Variants in GPRIN3 observed in about 807,000 individuals in gnomAD.
GPRIN3 encodes the protein GPRIN family member 3.
A neutral mutation model predicts 13.7 loss-of-function variants in GPRIN3; 12 were observed. The ratio of observed to expected loss-of-function variants is 0.87; its 90% confidence interval spans 0.56 to 1.42. The LOEUF (loss-of-function observed/expected upper bound fraction) is 1.42. Ranked by LOEUF, GPRIN3 falls within the 40% of genes most tolerant of loss-of-function variation. GPRIN3 has a pLI of 0.00. For missense variants in GPRIN3, 1,009 were observed against 958.7 expected, an observed-to-expected ratio of 1.05 and a Z score of -0.69; for synonymous variants, 377 against 372.7, an observed-to-expected ratio of 1.01 and a Z score of -0.13.
rs1256291250 is a variant in GPRIN3 at position 89,241,371 on chromosome 4, T to C, written c.*6409A>G. 6.6e-6 allele frequency: 1 copy of C among 152,182 alleles called. No homozygotes were observed. The highest frequency in any genetic ancestry group is 1.9e-4 in the East Asian group (1 of 5,206). 9.4% of individuals were successfully genotyped at this position (152,182 alleles called of 1,614,324 possible). A position where few individuals can be genotyped will look rare whatever the true frequency, so the allele number is the denominator to read the frequency against. On this transcript the variant is annotated 3_prime_UTR_variant, in exon 2 of 2. Transcript: ENST00000609438. Reference sequence around the variant, plus strand: ...TTAAATGGGATACGACAAGTTATTTTTTTTACACATAAAAATAGAAAACTG... The same window carrying C: ...TTAAATGGGATACGACAAGTTATTTCTTTTACACATAAAAATAGAAAACTG...
chr4:89,295,987 A>G (rs1724720555), intron 1 of GPRIN3, among the ~76,000 whole-genome samples: 1 of 152,186 alleles, frequency 6.6e-6, no homozygotes, highest in South Asian at 2.1e-4. Context: ...ATTTTTAAAA[A>G]TATACTTTGA....
chr4:89,300,260 C>T (rs892775247), intron 1 of GPRIN3, among the ~76,000 whole-genome samples: 10 of 152,218 alleles, frequency 6.6e-5, no homozygotes, highest in African/African-American at 2.4e-4. Flanking sequence ...CCAGACTTTA[C>T]AGACTCAATA....
At chr4:89,262,716 T>TAGTCTCAGCTA (rs1723667941) in intron 1 of GPRIN3, among the ~76,000 whole-genome samples, 2 of 152,254 alleles carry the variant, frequency 1.3e-5, no homozygotes, top group African/African-American at 4.8e-5. Context: ...AAATGCTTTT[T>TAGTCTCAGCTA]AAAGTAATGT....
In GPRIN3 at chr4:89,249,961, G is replaced by T. The variant is rs1723277161; in HGVS notation, c.150C>A (p.Ala50=). ...LCKNANGFSG[A]PAEPDLSPRA... ...TGGGGCTGAGGTCTGGTTCTGCAGG[G>T]GCACCTGAAAAGCCATTGGCATTCT... Residue 50 remains alanine (A), a synonymous_variant, in exon 2 of 2, where the codon GCC becomes GCA. Transcript: ENST00000609438. 1.2e-6 allele frequency: 2 copies of T among 1,614,174 alleles called. No individual in the cohort carries two copies. The highest frequency in any genetic ancestry group is 1.7e-6 in the Non-Finnish European group (2 of 1,180,016).
intron 1 of GPRIN3, among the ~76,000 whole-genome samples, chr4:89,252,434 C>A (rs905534550): frequency 6.6e-6 from 1 of 152,118 alleles, no homozygotes; most frequent in African/African-American, 2.4e-5. Context: ...AACTCACTGG[C>A]AAAATGAATT....
Position 89,245,667 on chromosome 4 carries a change from T to C in GPRIN3, c.*2113A>G, listed in dbSNP as rs1185969881. The C allele has an allele frequency of 1.3e-5, 2 of 152,230 alleles. No individual in the cohort carries two copies. Among genetic ancestry groups the C allele is most frequent in the African/African-American group, 4.8e-5 (2 of 41,468 alleles). 9.4% of individuals were successfully genotyped at this position (152,230 alleles called of 1,614,324 possible). ...TACTGTGTACACAGGCTGTACTCTG[T>C]GTATACACAGCATGTATGCCCATGT... is the stretch of plus-strand genomic sequence containing the variant. On this transcript the variant is annotated 3_prime_UTR_variant, in exon 2 of 2. Coordinates refer to ENST00000609438, the MANE Select transcript of GPRIN3 (RefSeq NM_198281.3).
chr4:89,302,074 ACCCAGCTGATCC>A (rs1553954254), intron 1 of GPRIN3, among the ~76,000 whole-genome samples: 1 of 152,206 alleles, frequency 6.6e-6, no homozygotes, highest in Non-Finnish European at 1.5e-5. Context: ...GTCTTAGATC[ACCCAGCTGATCC>A]CCACGATATT....
chr4:89,256,218 A>G (rs533909570), intron 1 of GPRIN3, among the ~76,000 whole-genome samples: 4 of 152,220 alleles, frequency 2.6e-5, no homozygotes, highest in Non-Finnish European at 4.4e-5. Context: ...AAATTTTTAT[A>G]GATATCTATA....
chr4:89,302,163 A>T (rs148439091), intron 1 of GPRIN3, among the ~76,000 whole-genome samples: 71 of 152,302 alleles, frequency 4.7e-4, no homozygotes, highest in African/African-American at 1.6e-3. Context: ...GACTTACTGA[A>T]TTGACTCTCA....
intron 1 of GPRIN3, among the ~76,000 whole-genome samples, chr4:89,298,003 T>C (rs1488720656): frequency 6.6e-6 from 1 of 152,196 alleles, no homozygotes; most frequent in Non-Finnish European, 1.5e-5. Context: ...TAATGAATTA[T>C]ATTAACCTCA....
intron 1 of GPRIN3, among the ~76,000 whole-genome samples, chr4:89,294,475 G>A (rs534762599): frequency 4.6e-5 from 7 of 152,224 alleles, no homozygotes; most frequent in South Asian, 2.1e-4. Context: ...GAAGCACTTC[G>A]ACCTTTTTAC....
intron 1 of GPRIN3, among the ~76,000 whole-genome samples, chr4:89,302,488 T>C (rs1724925979): frequency 6.6e-6 from 1 of 152,156 alleles, no homozygotes; most frequent in African/African-American, 2.4e-5. Flanking sequence ...CAGATTCAGA[T>C]TCAGATTAGG....
At chr4:89,261,874 G>C (rs1488374437) in intron 1 of GPRIN3, among the ~76,000 whole-genome samples, 1 of 152,060 alleles carries the variant, frequency 6.6e-6, no homozygotes, top group Non-Finnish European at 1.5e-5. Context: ...ACTTCGGGAG[G>C]CTGTAGGGGG....
intron 1 of GPRIN3, among the ~76,000 whole-genome samples, chr4:89,307,269 TCACACACACA>T (rs57752539): frequency 1.4e-5 from 2 of 147,182 alleles, no homozygotes; most frequent in Admixed American, 6.7e-5. Flanking sequence ...GAGACAAATG[TCACACACACA>T]CACACACACA....
intron 1 of GPRIN3, among the ~76,000 whole-genome samples, chr4:89,279,181 A>C (rs76932276): frequency 6.6e-6 from 1 of 152,368 alleles, no homozygotes; most frequent in African/African-American, 2.4e-5. Flanking sequence ...TACATGAAGC[A>C]TGAAGAAAAG....
At position 89,249,256 on chromosome 4, in the gene GPRIN3, C is replaced by T. The variant is rs1015371733; in HGVS notation, c.855G>A (p.Pro285=). ...SACPPGPEKV[P]LPAQRQMSRF... ...TTGACATCTGACGCTGTGCTGGCAG[C>T]GGCACCTTCTCTGGACCTGGGGGAC... Residue 285 remains proline (P), a synonymous_variant, in exon 2 of 2, where the codon CCG becomes CCA. Transcript: ENST00000609438. 31 of 1,613,922 alleles carry T rather than the reference C, an allele frequency of 1.9e-5. No individual in the cohort carries two copies. In the South Asian group the frequency reaches 2.3e-4, roughly 12 times the overall value.
At chr4:89,295,050 A>G (rs893823545) in intron 1 of GPRIN3, among the ~76,000 whole-genome samples, 2 of 152,226 alleles carry the variant, frequency 1.3e-5, no homozygotes. Flanking sequence ...AAAATTCCTC[A>G]TATGACTCAG....
intron 1 of GPRIN3, among the ~76,000 whole-genome samples, chr4:89,264,662 G>A (rs1288873072): frequency 1.3e-5 from 2 of 152,168 alleles, no homozygotes; most frequent in Admixed American, 1.3e-4. Flanking sequence ...TAAGGGGCAA[G>A]ATTAGAGATA....
intron 1 of GPRIN3, among the ~76,000 whole-genome samples, chr4:89,301,695 C>G (rs1184614045): frequency 2.0e-5 from 3 of 152,208 alleles, no homozygotes; most frequent in Non-Finnish European, 2.9e-5. Context: ...TAAACCAGAT[C>G]TCCCACTTGG....
Sources: allele counts gnomAD v4.1 joint callset (sites outside exome capture counted in the v4.1 genomes callset), GRCh38; gene constraint gnomAD v4.1.1; transcripts MANE v1.5; gene names NCBI Gene and HGNC (gene_info 2026-07-23, HGNC 2026-07-21).